ALS2: variants seen among roughly 807,000 people sequenced by gnomAD.
The protein encoded by ALS2 is alsin.
ALS2 carries 117 observed loss-of-function variants against 203.4 expected under a neutral mutation model. The observed-to-expected ratio is 0.58, with a 90% confidence interval of 0.50 to 0.67. ALS2 has a LOEUF of 0.67. Ranked by LOEUF, ALS2 falls within the 30% of genes least tolerant of loss-of-function variation. The probability of loss-of-function intolerance (pLI) is 0.00; values close to 1 mark genes in which losing one functional copy is unlikely to be tolerated. For synonymous variants in ALS2, 718 were observed against 725.9 expected (o/e 0.99, Z 0.17); for missense variants, 1,715 against 1,989.4 (o/e 0.86, Z 2.62).
At chr2:201,751,470 G>A (rs993662494) in intron 7 of ALS2, among the ~76,000 whole-genome samples, 1 of 151,968 alleles carries the variant, frequency 6.6e-6, no homozygotes, top group African/African-American at 2.4e-5. Context: ...TTCATTTATT[G>A]CTGGCCATTT....
At chr2:201,715,597 G>A in intron 25 of ALS2, 75 bp downstream of exon 25, 1 of 1,545,794 alleles carries the variant, frequency 6.5e-7, no homozygotes, top group South Asian at 1.1e-5. Flanking sequence ...AATGTGGTGA[G>A]CCTTGACTAC....
chr2:201,753,623 T>C (rs578055797), intron 6 of ALS2, among the ~76,000 whole-genome samples: 31 of 152,344 alleles, frequency 2.0e-4, no homozygotes, highest in African/African-American at 7.5e-4. Context: ...CTCACTACTT[T>C]AGATAATCAT....
chr2:201,705,003 C>T, intron 31 of ALS2, 136 bp downstream of exon 31: 1 of 893,650 alleles, frequency 1.1e-6, no homozygotes, highest in Non-Finnish European at 1.8e-6. Context: ...TTCTGATTTC[C>T]AGATTGAGTT....
chr2:201,727,993 T>G (rs918906957), intron 15 of ALS2, among the ~76,000 whole-genome samples: 3 of 152,160 alleles, frequency 2.0e-5, no homozygotes, highest in Non-Finnish European at 2.9e-5. Context: ...TGCAGGGCCC[T>G]CTTCACATGG....
At position 201,754,859 on chromosome 2, in the gene ALS2, A is replaced by C. The variant is rs115566541; in HGVS notation, c.1472-188T>G. Reference sequence around the variant, plus strand: ...AAATTGGTAAATACTCACTGCTACAATCTATCCTCCCACTACCTCCTCTGC... The same window carrying C: ...AAATTGGTAAATACTCACTGCTACACTCTATCCTCCCACTACCTCCTCTGC... On this transcript the variant is annotated intron_variant, in intron 5 of 33. Coordinates refer to ENST00000264276, the MANE Select transcript of ALS2 (RefSeq NM_020919.4). Among the ~76,000 whole-genome samples, 1,410 of 152,322 alleles carry C rather than the reference A, an allele frequency of 9.3e-3. 22 individuals are homozygous for C. Among genetic ancestry groups the C allele is most frequent in the African/African-American group, 0.032 (1,344 of 41,566 alleles).
Position 201,743,534 on chromosome 2 carries a change from G to A in ALS2, c.2170+724C>T, listed in dbSNP as rs186161102. On this transcript the variant is annotated intron_variant, in intron 10 of 33. Transcript: ENST00000264276. The stretch of plus-strand genomic sequence containing the variant: ...GAGTCTTGCTCTGTCACCCAGGCTG[G>A]ACTGCAGTGGTACAATCTCAGCTCA... Among the ~76,000 whole-genome samples the A allele has an allele frequency of 4.0e-3, 615 of 152,184 alleles. 8 individuals are homozygous for A. The highest frequency in any genetic ancestry group is 0.014 in the African/African-American group (573 of 41,512).
chr2:201,726,635 C>T, intron 18 of ALS2, 29 bp downstream of exon 18: 2 of 1,611,614 alleles, frequency 1.2e-6, no homozygotes, highest in Non-Finnish European at 8.5e-7. Flanking sequence ...ATCATCCTCA[C>T]CCCAGGCATA....
intron 5 of ALS2, among the ~76,000 whole-genome samples, chr2:201,754,953 AAT>A (rs901594598): frequency 6.6e-6 from 1 of 152,204 alleles, no homozygotes; most frequent in Admixed American, 6.5e-5. Flanking sequence ...GCCCTGTTTA[AAT>A]ATGTTTAACC....
intron 6 of ALS2, 124 bp downstream of exon 6, chr2:201,754,379 G>T: frequency 8.3e-7 from 1 of 1,205,960 alleles, no homozygotes. Flanking sequence ...TTAATGGTGT[G>T]TAATAATCTG....
intron 7 of ALS2, 93 bp downstream of exon 7, chr2:201,753,053 A>G: frequency 1.0e-6 from 1 of 968,140 alleles, no homozygotes; most frequent in Non-Finnish European, 1.7e-6. Flanking sequence ...TCATTGCCTG[A>G]CATATAGCAG....
chr2:201,747,501 T>C (rs897907861), intron 8 of ALS2, among the ~76,000 whole-genome samples: 1 of 140,412 alleles, frequency 7.1e-6, no homozygotes, highest in African/African-American at 2.6e-5. Flanking sequence ...CCCAGGCTGG[T>C]GTGCAGTGGC....
At chr2:201,727,566 A>G in intron 16 of ALS2, 139 bp downstream of exon 16, 1 of 774,524 alleles carries the variant, frequency 1.3e-6, no homozygotes, top group East Asian at 2.7e-5. Context: ...TTTACTGTCT[A>G]ATGTGCTGAG....
chr2:201,726,724 T>C lies in ALS2; in HGVS notation c.3122A>G (p.Asp1041Gly). 1 of 1,614,212 alleles carries C rather than the reference T, an allele frequency of 6.2e-7. No individual in the cohort carries two copies. Among genetic ancestry groups the C allele is most frequent in the South Asian group, 1.1e-5 (1 of 91,086 alleles). Residue 1041 changes from aspartate (D) to glycine (G), a missense_variant, in exon 18 of 34, where the codon GAT becomes GGT. Transcript: ENST00000264276. ...ATAGGTGGCATCCTTTAGGCGAGGA[T>C]CCTTGTAGAAAGTATATTTGGCACT... ...SRSAKYTFYK[D>G]PRLKDATYDG...
intron 3 of ALS2, among the ~76,000 whole-genome samples, chr2:201,764,094 G>C (rs567123108): frequency 6.6e-6 from 1 of 152,236 alleles, no homozygotes; most frequent in South Asian, 2.1e-4. Flanking sequence ...CTCAATAGTG[G>C]CTACAGGGAA....
Position 201,767,589 on chromosome 2 carries a change from G to A in ALS2, c.21-206C>T, listed in dbSNP as rs928162318. 3.3e-5 allele frequency among the ~76,000 whole-genome samples: 5 copies of A among 152,052 alleles called. No homozygotes were observed. The South Asian group carries it at 6.2e-4, about 19-fold the overall frequency. On this transcript the variant is annotated intron_variant, in intron 2 of 33. Transcript: ENST00000264276. ...TATAAAAGACTGAAGGATGTGGGGC[G>A]TGGTGGCTCACACCTGTAATCCCAG...
At chr2:201,746,195 G>C (rs895047217) in intron 9 of ALS2, among the ~76,000 whole-genome samples, 1 of 152,096 alleles carries the variant, frequency 6.6e-6, no homozygotes, top group Non-Finnish European at 1.5e-5. Context: ...TCCTACATGA[G>C]GGTGTTAATT....
Position 201,707,886 on chromosome 2 carries a change from A to G in ALS2, c.4386T>C (p.Ser1462=). 6.2e-7 allele frequency: 1 copy of G among 1,613,450 alleles called. No homozygotes were observed. The highest frequency in any genetic ancestry group is 8.5e-7 in the Non-Finnish European group (1 of 1,179,562). ...CCATTTACCCTGGCTCTGGTGATTCAGATCGGGAATCTGACTTCCCAGTGC... is the reference window on the plus strand; with the variant it reads ...CCATTTACCCTGGCTCTGGTGATTCGGATCGGGAATCTGACTTCCCAGTGC... ...SFCTGKSDSR[S]ESPEPGYVVT... The change falls in exon 28 of 34, where the codon TCT becomes TCC. Residue 1462 remains serine (S), a synonymous_variant. Transcript: ENST00000264276.
chr2:201,710,252 C>T (rs1689957107), intron 26 of ALS2, among the ~76,000 whole-genome samples: 1 of 152,006 alleles, frequency 6.6e-6, no homozygotes, highest in Non-Finnish European at 1.5e-5. Flanking sequence ...AAAGAATCTC[C>T]TTAACATTTT....
At chr2:201,703,400 T>G (rs1574652329) in intron 33 of ALS2, among the ~76,000 whole-genome samples, 1 of 152,200 alleles carries the variant, frequency 6.6e-6, no homozygotes, top group East Asian at 1.9e-4. Context: ...AAGTTTTTAT[T>G]ATGATGTGTT....
Sources: allele counts gnomAD v4.1 joint callset (sites outside exome capture counted in the v4.1 genomes callset), GRCh38; gene constraint gnomAD v4.1.1; transcripts MANE v1.5; gene names NCBI Gene and HGNC (gene_info 2026-07-23, HGNC 2026-07-21).